Variants in DYNC1I1 observed in about 807,000 individuals in gnomAD.
DYNC1I1 encodes the protein dynein cytoplasmic 1 intermediate chain 1, also known as cytoplasmic dynein 1 intermediate chain 1.
DYNC1I1 carries 43 observed loss-of-function variants against 86.6 expected under a neutral mutation model. The ratio of observed to expected loss-of-function variants is 0.50; its 90% confidence interval spans 0.39 to 0.64. DYNC1I1 has a LOEUF of 0.64. Among genes scored for constraint, DYNC1I1 ranks in the 30% least tolerant of loss-of-function variants. The pLI is 0.00. For missense variants in DYNC1I1, 604 were observed against 788.8 expected (o/e 0.77, Z 2.81); for synonymous variants, 262 against 283.7 (o/e 0.92, Z 0.77).
intron 6 of DYNC1I1, among the ~76,000 whole-genome samples, chr7:95,959,058 G>A (rs918060653): frequency 6.6e-6 from 1 of 152,178 alleles, no homozygotes; most frequent in Non-Finnish European, 1.5e-5. Flanking sequence ...GGATGAATAG[G>A]AGTTAAGTGA....
chr7:96,012,984 G>C (rs1794311924), intron 10 of DYNC1I1, among the ~76,000 whole-genome samples: 1 of 152,034 alleles, frequency 6.6e-6, no homozygotes, highest in Non-Finnish European at 1.5e-5. Context: ...AGGGTGGATG[G>C]GGGTGAGGGA....
intron 6 of DYNC1I1, among the ~76,000 whole-genome samples, chr7:95,884,496 C>G (rs1410316868): frequency 6.6e-6 from 1 of 150,658 alleles, no homozygotes; most frequent in East Asian, 2.0e-4. Flanking sequence ...TTCCAGTGAG[C>G]AAGGAAGGAA....
chr7:95,883,734 A>T (rs1790517331), intron 6 of DYNC1I1, among the ~76,000 whole-genome samples: 1 of 152,208 alleles, frequency 6.6e-6, no homozygotes, highest in South Asian at 2.1e-4. Context: ...CTGAGAAAAG[A>T]TATATGGATA....
At chr7:95,887,460 G>A (rs1441349119) in intron 6 of DYNC1I1, among the ~76,000 whole-genome samples, 1 of 151,896 alleles carries the variant, frequency 6.6e-6, no homozygotes, top group African/African-American at 2.4e-5. Context: ...TTTCTCCAAT[G>A]CCTTGAAGCT....
At chr7:96,004,425 G>A (rs1794091144) in intron 10 of DYNC1I1, among the ~76,000 whole-genome samples, 1 of 151,770 alleles carries the variant, frequency 6.6e-6, no homozygotes, top group African/African-American at 2.4e-5. Flanking sequence ...TTCCTTTTGA[G>A]TTTTTAAAAA....
chr7:95,837,288 G>C (rs2115988681), intron 5 of DYNC1I1, among the ~76,000 whole-genome samples: 1 of 152,078 alleles, frequency 6.6e-6, no homozygotes, highest in East Asian at 1.9e-4. Context: ...TCGGGGGTCA[G>C]GGGTCAGGGA....
intron 10 of DYNC1I1, among the ~76,000 whole-genome samples, chr7:95,999,888 TC>T (rs1490627327): frequency 6.6e-6 from 1 of 152,106 alleles, no homozygotes; most frequent in East Asian, 1.9e-4. Context: ...TTTTTGTCCC[TC>T]CCCCAACCCA....
At chr7:95,988,981 C>T (rs751118811) in intron 9 of DYNC1I1, among the ~76,000 whole-genome samples, 12 of 152,098 alleles carry the variant, frequency 7.9e-5, no homozygotes, top group East Asian at 1.9e-4. Context: ...TTTAGCATCC[C>T]GTGGCATATG....
intron 10 of DYNC1I1, among the ~76,000 whole-genome samples, chr7:96,022,373 T>A (rs1354733010): frequency 2.0e-5 from 3 of 152,094 alleles, no homozygotes; most frequent in Non-Finnish European, 4.4e-5. Context: ...GAAATCAAAT[T>A]TTAGAATCAG....
chr7:95,975,394 C>T (rs147807854), intron 6 of DYNC1I1, among the ~76,000 whole-genome samples: 59 of 152,246 alleles, frequency 3.9e-4, no homozygotes, highest in African/African-American at 1.4e-3. Context: ...CTCCTAACTT[C>T]CGGTGGTTTT....
At chr7:95,956,590 T>C (rs1792721583) in intron 6 of DYNC1I1, among the ~76,000 whole-genome samples, 1 of 151,918 alleles carries the variant, frequency 6.6e-6, no homozygotes. Context: ...TGTCCATATG[T>C]TCTCATTGTT....
chr7:95,846,989 A>C (rs1315798074), intron 5 of DYNC1I1, among the ~76,000 whole-genome samples: 4 of 152,164 alleles, frequency 2.6e-5, no homozygotes, highest in African/African-American at 4.8e-5. Flanking sequence ...TTGGTCCTGC[A>C]TTTCTTATGA....
intron 6 of DYNC1I1, among the ~76,000 whole-genome samples, chr7:95,895,217 G>A (rs1170215726): frequency 6.6e-6 from 1 of 152,032 alleles, no homozygotes; most frequent in Non-Finnish European, 1.5e-5. Flanking sequence ...TTCACTTTTC[G>A]TCACATGTCA....
intron 14 of DYNC1I1, among the ~76,000 whole-genome samples, chr7:96,058,800 ATTTTT>A (rs35348142): frequency 2.0e-5 from 2 of 98,744 alleles, no homozygotes; most frequent in Non-Finnish European, 3.8e-5. Context: ...TGCCTGGCTA[ATTTTT>A]TTTTTTTTTT....
At chr7:95,790,036 G>A (rs1232972548) in intron 1 of DYNC1I1, among the ~76,000 whole-genome samples, 2 of 152,154 alleles carry the variant, frequency 1.3e-5, no homozygotes, top group African/African-American at 4.8e-5. Flanking sequence ...AAAGGCTGAT[G>A]TAGAGTGAAT....
Position 95,922,848 on chromosome 7 carries a change from A to AT in DYNC1I1, c.490+52859dup, listed in dbSNP as rs910367108. On this transcript the variant is annotated intron_variant, in intron 6 of 16. Transcript: ENST00000447467. ...TTCCAGTCCTTCTTAGTTTACCTCC[A>AT]TTTTTTTTTCTAAAAATGGAAATTG... Among the ~76,000 whole-genome samples the AT allele has an allele frequency of 4.4e-4, 66 of 150,618 alleles. No homozygotes were observed. The East Asian group carries it at 8.2e-3, about 19-fold the overall frequency.
At chr7:95,861,889 G>A (rs1459739800) in intron 5 of DYNC1I1, among the ~76,000 whole-genome samples, 1 of 152,000 alleles carries the variant, frequency 6.6e-6, no homozygotes. Flanking sequence ...TGGAGCAAGT[G>A]GCATCAATGA....
intron 6 of DYNC1I1, among the ~76,000 whole-genome samples, chr7:95,920,925 A>G (rs549265393): frequency 6.6e-6 from 1 of 152,314 alleles, no homozygotes; most frequent in South Asian, 2.1e-4. Context: ...TAGGATTGTC[A>G]TGACTATCCT....
intron 9 of DYNC1I1, among the ~76,000 whole-genome samples, chr7:95,992,629 C>CT (rs928295905): frequency 4.5e-4 from 66 of 148,066 alleles, no homozygotes; most frequent in Admixed American, 1.1e-3. Context: ...ATGCTAGGTT[C>CT]TTTTTTTTTT....
Sources: gnomAD v4.1 joint callset for allele counts (sites outside exome capture counted in the v4.1 genomes callset) on GRCh38, gnomAD v4.1.1 for gene constraint, MANE v1.5 for transcripts, NCBI Gene and HGNC (gene_info 2026-07-23, HGNC 2026-07-21) for gene names.